The following SERPINB10 variants were observed in gnomAD, a reference collection of about 807,000 sequenced individuals.
SERPINB10 encodes the protein serpin B10.
A neutral mutation model predicts 39.1 loss-of-function variants in SERPINB10; 35 were observed. The observed-to-expected ratio is 0.90, with a 90% CI of 0.68 to 1.19. SERPINB10 has a LOEUF of 1.19. Among genes scored for constraint, SERPINB10 ranks in the 50% most tolerant of loss-of-function variants. SERPINB10 has a pLI of 0.00. For missense variants in SERPINB10, 546 were observed against 460.5 expected, an observed-to-expected ratio of 1.19 and a Z score of -1.70; for synonymous variants, 190 against 158.1, an observed-to-expected ratio of 1.20 and a Z score of -1.52.
intron 5 of SERPINB10, among the ~76,000 whole-genome samples, chr18:63,920,528 C>T (rs2050139330): frequency 6.6e-6 from 1 of 152,044 alleles, no homozygotes; most frequent in Middle Eastern, 3.4e-3. Flanking sequence ...TCTCTAGGTG[C>T]AAGATGGTTC....
intron 1 of SERPINB10, among the ~76,000 whole-genome samples, chr18:63,909,551 T>C (rs1238449223): frequency 6.6e-6 from 1 of 152,042 alleles, no homozygotes; most frequent in African/African-American, 2.4e-5. Context: ...TACAACTAAA[T>C]ATTAAGCTTA....
At chr18:63,920,597 T>G (rs1050816946) in intron 5 of SERPINB10, among the ~76,000 whole-genome samples, 1 of 152,002 alleles carries the variant, frequency 6.6e-6, no homozygotes, top group Admixed American at 6.6e-5. Context: ...CAGCAAAAGC[T>G]AATTTGTCTT....
At chr18:63,914,092 T>C (rs1306443900) in intron 1 of SERPINB10, among the ~76,000 whole-genome samples, 1 of 152,088 alleles carries the variant, frequency 6.6e-6, no homozygotes, top group Non-Finnish European at 1.5e-5. Context: ...CACCCACTGC[T>C]CTATTTTGTT....
chr18:63,919,744 T>G, intron 4 of SERPINB10, 44 bp from the exon 5 acceptor site: 1 of 1,360,126 alleles, frequency 7.4e-7, no homozygotes, highest in Non-Finnish European at 1.0e-6. Context: ...TTTCTCAATT[T>G]TGAACAAACT....
chr18:63,929,549 T>C (rs963912853), intron 5 of SERPINB10, among the ~76,000 whole-genome samples: 2 of 151,908 alleles, frequency 1.3e-5, no homozygotes, highest in African/African-American at 2.4e-5. Flanking sequence ...AAGAGAAATG[T>C]TCTTTAGATT....
intron 5 of SERPINB10, among the ~76,000 whole-genome samples, chr18:63,922,073 C>T (rs1205506295): frequency 6.6e-6 from 1 of 151,942 alleles, no homozygotes; most frequent in Admixed American, 6.6e-5. Context: ...CATCTATGTC[C>T]CCTGCTAGAC....
chr18:63,917,889 T>C (rs1336798600), intron 3 of SERPINB10, 76 bp from the exon 4 acceptor site: 3 of 1,338,916 alleles, frequency 2.2e-6, no homozygotes, highest in Non-Finnish European at 3.1e-6. Flanking sequence ...CAAATAATTT[T>C]ATTTAGCTTT....
At chr18:63,917,852 C>A in intron 3 of SERPINB10, 113 bp from the exon 4 acceptor site, 1 of 935,716 alleles carries the variant, frequency 1.1e-6, no homozygotes, top group South Asian at 1.7e-5. Context: ...ACTTTAGGAA[C>A]ATTTTCAACT....
At chr18:63,925,003 T>C (rs1304076304) in intron 5 of SERPINB10, among the ~76,000 whole-genome samples, 1 of 152,024 alleles carries the variant, frequency 6.6e-6, no homozygotes, top group East Asian at 1.9e-4. Flanking sequence ...TATTGTACCC[T>C]AGTTTTTAAA....
At chr18:63,915,909 T>C (rs536474276) in intron 2 of SERPINB10, among the ~76,000 whole-genome samples, 5 of 152,150 alleles carry the variant, frequency 3.3e-5, no homozygotes, top group Non-Finnish European at 5.9e-5. Flanking sequence ...TTTAGCAAAA[T>C]AAAATGGAGA....
intron 5 of SERPINB10, among the ~76,000 whole-genome samples, chr18:63,921,131 GCAT>G (rs1225014773): frequency 6.6e-6 from 1 of 151,648 alleles, no homozygotes; most frequent in East Asian, 1.9e-4. Flanking sequence ...AAATACAAAG[GCAT>G]CATCATTAAT....
At chr18:63,915,769 A>G in intron 2 of SERPINB10, 91 bp downstream of exon 2, 1 of 1,100,096 alleles carries the variant, frequency 9.1e-7, no homozygotes, top group Non-Finnish European at 1.3e-6. Context: ...CAACTCAATA[A>G]TTTACATTTC....
In SERPINB10 at chr18:63,936,032, A is replaced by G. The variant is rs149633578; in HGVS notation, c.*790A>G. On this transcript the variant is annotated 3_prime_UTR_variant, in exon 8 of 8. Transcript: ENST00000238508. The stretch of plus-strand genomic sequence containing the variant: ...TCACTTGGGGAAACTGTACTGGAGT[A>G]TATGAGAATTAGCTGTATTATCTCT... The G allele has an allele frequency of 1.8e-4, 28 of 152,346 alleles. No homozygotes were observed. Among genetic ancestry groups the G allele is most frequent in the African/African-American group, 5.8e-4 (24 of 41,572 alleles). 9.4% of individuals were successfully genotyped at this position (152,346 alleles called of 1,614,324 possible). A position where few individuals can be genotyped will look rare whatever the true frequency, so the allele number is the denominator to read the frequency against.
Position 63,914,357 on chromosome 18 carries a change from G to C in SERPINB10, c.-9-1145G>C, listed in dbSNP as rs140184917. 3.3e-5 allele frequency among the ~76,000 whole-genome samples: 5 copies of C among 152,194 alleles called. No homozygotes were observed. The South Asian group carries it at 1.0e-3, about 32-fold the overall frequency. On this transcript the variant is annotated intron_variant, in intron 1 of 7. Transcript: ENST00000238508. ...TTCTATTGTGTGGTTGCTTTATAAA[G>C]TGTGTGTGCTACGTACTTAAGTAAC...
chr18:63,913,087 G>A (rs1275027861), intron 1 of SERPINB10, among the ~76,000 whole-genome samples: 2 of 151,690 alleles, frequency 1.3e-5, no homozygotes, highest in Non-Finnish European at 2.9e-5. Flanking sequence ...AGTAGTCTCT[G>A]AGGATCATTT....
At chr18:63,917,172 G>A (rs993981679) in intron 2 of SERPINB10, among the ~76,000 whole-genome samples, 5 of 151,824 alleles carry the variant, frequency 3.3e-5, no homozygotes, top group African/African-American at 7.3e-5. Context: ...AAGGAAATAC[G>A]GAAAATAAGA....
At chr18:63,921,616 T>C (rs919424120) in intron 5 of SERPINB10, among the ~76,000 whole-genome samples, 1 of 151,902 alleles carries the variant, frequency 6.6e-6, no homozygotes, top group Non-Finnish European at 1.5e-5. Flanking sequence ...CTAACCTCCA[T>C]TTACCACCCA....
intron 5 of SERPINB10, among the ~76,000 whole-genome samples, chr18:63,929,185 C>T (rs2056041581): frequency 6.6e-6 from 1 of 152,094 alleles, no homozygotes; most frequent in South Asian, 2.1e-4. Context: ...TTCTCTTAAT[C>T]TCCATATATG....
At chr18:63,923,096 C>G (rs1425867780) in intron 5 of SERPINB10, among the ~76,000 whole-genome samples, 1 of 151,780 alleles carries the variant, frequency 6.6e-6, no homozygotes. Flanking sequence ...TGAGAGGCAC[C>G]AAAAAATAAG....
Sources: allele counts gnomAD v4.1 joint callset (sites outside exome capture counted in the v4.1 genomes callset), GRCh38; gene constraint gnomAD v4.1.1; transcripts MANE v1.5; gene names NCBI Gene and HGNC (gene_info 2026-07-23, HGNC 2026-07-21).